Variants in OPCML observed in about 807,000 individuals in gnomAD.
OPCML encodes the protein opioid binding protein/cell adhesion molecule like, also known as opioid-binding protein/cell adhesion molecule.
In OPCML, 13 loss-of-function variants were observed where a neutral mutation model predicts 37.8. That is an observed-to-expected ratio of 0.34 (90% CI 0.22 to 0.55). The LOEUF is 0.55. OPCML is among the 20% of genes least tolerant of loss of function. The pLI, the probability that OPCML is intolerant of heterozygous loss-of-function variation, is 0.91. For missense variants in OPCML, 341 were observed against 435.6 expected, an observed-to-expected ratio of 0.78 and a Z score of 1.93; for synonymous variants, 176 against 168.8, an observed-to-expected ratio of 1.04 and a Z score of -0.33.
At chr11:133,254,906 A>G (rs1227861788) in intron 1 of OPCML, among the ~76,000 whole-genome samples, 2 of 152,122 alleles carry the variant, frequency 1.3e-5, no homozygotes, top group Admixed American at 6.5e-5. Context: ...TAAATACAAC[A>G]CTGAGTTCAA....
At chr11:132,869,861 C>T (rs71477418) in intron 2 of OPCML, among the ~76,000 whole-genome samples, 1 of 152,224 alleles carries the variant, frequency 6.6e-6, no homozygotes, top group Admixed American at 6.5e-5. Context: ...ACAGATGCAC[C>T]TCTCCTGAGC....
intron 2 of OPCML, among the ~76,000 whole-genome samples, chr11:132,801,667 G>A (rs1483982067): frequency 1.3e-5 from 2 of 152,108 alleles, no homozygotes; most frequent in African/African-American, 4.8e-5. Flanking sequence ...ACTGAGATGG[G>A]TATATAAATT....
chr11:132,888,049 T>A (rs923566614), intron 2 of OPCML, among the ~76,000 whole-genome samples: 4 of 152,054 alleles, frequency 2.6e-5, no homozygotes, highest in African/African-American at 7.2e-5. Context: ...GCATGCGGCC[T>A]TTGGATGAGA....
chr11:133,204,909 T>TATATATATATATATATACAC (rs1350609719), intron 1 of OPCML, among the ~76,000 whole-genome samples: 1 of 130,686 alleles, frequency 7.7e-6, no homozygotes, highest in Non-Finnish European at 1.6e-5. Context: ...TATATATATA[T>TATATATATATATATATACAC]ACATACACAT....
intron 3 of OPCML, among the ~76,000 whole-genome samples, chr11:132,577,046 G>T (rs553488258): frequency 6.6e-6 from 1 of 152,288 alleles, no homozygotes; most frequent in South Asian, 2.1e-4. Flanking sequence ...TGGTTGTAAG[G>T]CCCTGTGTCA....
At chr11:133,406,985 A>G (rs1372161087) in intron 1 of OPCML, among the ~76,000 whole-genome samples, 3 of 152,204 alleles carry the variant, frequency 2.0e-5, no homozygotes, top group Non-Finnish European at 2.9e-5. Context: ...TCCAGCCACA[A>G]TTTCCCAAAC....
At chr11:133,000,726 G>A (rs1946982105) in intron 1 of OPCML, among the ~76,000 whole-genome samples, 1 of 152,110 alleles carries the variant, frequency 6.6e-6, no homozygotes, top group African/African-American at 2.4e-5. Flanking sequence ...ATGTTCCTGG[G>A]AAAAAAATAA....
chr11:133,247,286 G>GTTCTA (rs1940958853), intron 1 of OPCML, among the ~76,000 whole-genome samples: 1 of 152,106 alleles, frequency 6.6e-6, no homozygotes. Context: ...GGAGAAATAA[G>GTTCTA]GGTGCTACAT....
intron 1 of OPCML, among the ~76,000 whole-genome samples, chr11:133,014,789 T>C (rs1947288752): frequency 6.6e-6 from 1 of 152,238 alleles, no homozygotes; most frequent in African/African-American, 2.4e-5. Context: ...CTAGACATTT[T>C]GAACATTGGT....
chr11:132,870,244 A>T (rs1349343251), intron 2 of OPCML, among the ~76,000 whole-genome samples: 3 of 152,186 alleles, frequency 2.0e-5, no homozygotes, highest in Non-Finnish European at 4.4e-5. Flanking sequence ...TTTCCAATAA[A>T]TATGAGATTA....
chr11:132,759,269 G>A (rs1420435129), intron 2 of OPCML, among the ~76,000 whole-genome samples: 3 of 152,032 alleles, frequency 2.0e-5, no homozygotes, highest in South Asian at 2.1e-4. Context: ...TTCTTTTTTT[G>A]TTGCGTCTCT....
At chr11:132,429,878 C>T (rs561787161) in intron 7 of OPCML, among the ~76,000 whole-genome samples, 1 of 152,166 alleles carries the variant, frequency 6.6e-6, no homozygotes, top group South Asian at 2.1e-4. Context: ...GAGCCCTTCC[C>T]CTCTCACCAT....
At chr11:132,815,946 G>A (rs1044095940) in intron 2 of OPCML, among the ~76,000 whole-genome samples, 3 of 152,214 alleles carry the variant, frequency 2.0e-5, no homozygotes, top group African/African-American at 7.2e-5. Context: ...TGCAGAGGAA[G>A]GCAGGCAAGA....
intron 1 of OPCML, among the ~76,000 whole-genome samples, chr11:133,064,425 G>A (rs1948405143): frequency 6.6e-6 from 1 of 152,240 alleles, no homozygotes; most frequent in African/African-American, 2.4e-5. Flanking sequence ...CCTGGTAGCT[G>A]TGGCAACAGT....
chr11:133,375,024 G>A (rs573832646), intron 1 of OPCML, among the ~76,000 whole-genome samples: 109 of 152,186 alleles, frequency 7.2e-4, no homozygotes, highest in Non-Finnish European at 1.3e-3. Context: ...AATTTAAGCT[G>A]TTGGTAGACA....
At chr11:133,529,978 G>T (rs1028122460) in intron 1 of OPCML, among the ~76,000 whole-genome samples, 1 of 152,068 alleles carries the variant, frequency 6.6e-6, no homozygotes, top group African/African-American at 2.4e-5. Flanking sequence ...TGTTCTTACC[G>T]GGCTCCTGAC....
At chr11:133,150,500 T>C (rs1267002124) in intron 1 of OPCML, among the ~76,000 whole-genome samples, 1 of 152,222 alleles carries the variant, frequency 6.6e-6, no homozygotes, top group Non-Finnish European at 1.5e-5. Flanking sequence ...TTTGAGCCCA[T>C]GGCTGTTGTT....
At chr11:132,861,607 T>C (rs1404355728) in intron 2 of OPCML, among the ~76,000 whole-genome samples, 3 of 152,218 alleles carry the variant, frequency 2.0e-5, no homozygotes, top group Non-Finnish European at 4.4e-5. Context: ...GAGGCCGAAG[T>C]GGGTGAATCA....
chr11:132,473,194 A>T (rs980165499), intron 4 of OPCML, among the ~76,000 whole-genome samples: 4 of 152,256 alleles, frequency 2.6e-5, no homozygotes, highest in African/African-American at 9.6e-5. Context: ...CCAGGGGCAG[A>T]TTCCCAGCCA....
Sources: gnomAD v4.1 joint callset for allele counts (sites outside exome capture counted in the v4.1 genomes callset) on GRCh38, gnomAD v4.1.1 for gene constraint, MANE v1.5 for transcripts, NCBI Gene and HGNC (gene_info 2026-07-23, HGNC 2026-07-21) for gene names.